TRABD2B: variants seen among roughly 807,000 people sequenced by gnomAD.
TRABD2B encodes the protein metalloprotease TIKI2.
TRABD2B carries 14 observed loss-of-function variants against 40.1 expected under a neutral mutation model. The ratio of observed to expected loss-of-function variants is 0.35; its 90% CI spans 0.23 to 0.55. The LOEUF (loss-of-function observed/expected upper bound fraction) is 0.55. TRABD2B is among the 20% of genes least tolerant of loss of function. TRABD2B has a pLI of 0.90. For synonymous variants in TRABD2B, 263 were observed against 277.0 expected, an observed-to-expected ratio of 0.95 and a Z score of 0.50; for missense variants, 541 against 648.6, an observed-to-expected ratio of 0.83 and a Z score of 1.80.
chr1:47,984,199 C>G (rs970850504), intron 2 of TRABD2B, among the ~76,000 whole-genome samples: 1 of 152,236 alleles, frequency 6.6e-6, no homozygotes, highest in Non-Finnish European at 1.5e-5. Flanking sequence ...ATCTTTGCAC[C>G]GTGGCTGCCC....
At position 47,997,071 on chromosome 1, in the gene TRABD2B, C is replaced by T. The variant is rs1459999612; in HGVS notation, c.-282G>A. The T allele has an allele frequency of 1.9e-4, 191 of 984,258 alleles. No homozygotes were observed. Among genetic ancestry groups the T allele is most frequent in the Middle Eastern group, 5.2e-4 (1 of 1,910 alleles). 61.0% of individuals were successfully genotyped at this position (984,258 alleles called of 1,614,324 possible). On this transcript the variant is annotated 5_prime_UTR_variant, in exon 1 of 7. Coordinates refer to ENST00000606738, the MANE Select transcript of TRABD2B (RefSeq NM_001194986.2). ...CCGGGTGCTGAGGGCGTGTTGGGGT[C>T]CGGGGGCGCGCGGGGTCCCGGAGCT...
intron 2 of TRABD2B, among the ~76,000 whole-genome samples, chr1:47,922,941 T>C (rs1644920973): frequency 6.6e-6 from 1 of 152,238 alleles, no homozygotes; most frequent in Admixed American, 6.5e-5. Context: ...CTGAATGGCC[T>C]TATAAAGCTC....
At chr1:47,983,285 A>C (rs1645867734) in intron 2 of TRABD2B, among the ~76,000 whole-genome samples, 1 of 152,188 alleles carries the variant, frequency 6.6e-6, no homozygotes, top group South Asian at 2.1e-4. Flanking sequence ...AATGACAAGA[A>C]CTCAGGAACA....
chr1:47,845,825 T>C (rs1645460938), intron 2 of TRABD2B, among the ~76,000 whole-genome samples: 1 of 152,242 alleles, frequency 6.6e-6, no homozygotes, highest in South Asian at 2.1e-4. Context: ...TTAGTCCTCA[T>C]TGAACTGTGG....
chr1:47,825,271 T>A (rs1645160062), intron 2 of TRABD2B, among the ~76,000 whole-genome samples: 1 of 152,242 alleles, frequency 6.6e-6, no homozygotes, highest in South Asian at 2.1e-4. Flanking sequence ...GCCCTGCTGA[T>A]GGAATTACCT....
chr1:47,923,697 C>T (rs556499072), intron 2 of TRABD2B, among the ~76,000 whole-genome samples: 6 of 152,204 alleles, frequency 3.9e-5, no homozygotes, highest in South Asian at 2.1e-4. Flanking sequence ...ACTTCTATAA[C>T]GTGGGTGGGC....
At position 47,879,305 on chromosome 1, in the gene TRABD2B, G is replaced by A. The variant is rs114359138; in HGVS notation, c.667-77686C>T. Among the ~76,000 whole-genome samples, 398 of 152,228 alleles carry A rather than the reference G, an allele frequency of 2.6e-3. 2 individuals carry two copies. Among genetic ancestry groups the A allele is most frequent in the African/African-American group, 9.3e-3 (388 of 41,520 alleles). On this transcript the variant is annotated intron_variant, in intron 2 of 6. Coordinates refer to ENST00000606738, the MANE Select transcript of TRABD2B (RefSeq NM_001194986.2). ...CACATATGCAACAGTGATTCCGTAA[G>A]ATTATATTTTTAATATGTAAAATTT...
chr1:47,782,757 A>G (rs982273643), intron 4 of TRABD2B, among the ~76,000 whole-genome samples: 1 of 152,130 alleles, frequency 6.6e-6, no homozygotes, highest in Admixed American at 6.5e-5. Flanking sequence ...GCAGACAGGA[A>G]CCATGCTTGC....
chr1:47,894,673 T>C (rs1373194498), intron 2 of TRABD2B, among the ~76,000 whole-genome samples: 1 of 152,146 alleles, frequency 6.6e-6, no homozygotes, highest in Admixed American at 6.5e-5. Context: ...ATTGTGTCAA[T>C]TAGCACCCCA....
chr1:47,779,607 C>T (rs779277156), intron 4 of TRABD2B, among the ~76,000 whole-genome samples: 4 of 152,180 alleles, frequency 2.6e-5, no homozygotes, highest in African/African-American at 4.8e-5. Context: ...GCTCTGGACA[C>T]AGGAGGTGCT....
At chr1:47,833,467 A>G (rs1181806843) in intron 2 of TRABD2B, among the ~76,000 whole-genome samples, 1 of 152,244 alleles carries the variant, frequency 6.6e-6, no homozygotes, top group African/African-American at 2.4e-5. Context: ...ACCCTGGTCA[A>G]AGATCTGGCT....
intron 2 of TRABD2B, among the ~76,000 whole-genome samples, chr1:47,908,047 C>G (rs72898137): frequency 0.022 from 3,314 of 152,206 alleles, 60 homozygotes; most frequent in South Asian, 0.059. Flanking sequence ...CTGTGGAAAC[C>G]TGGAAATGAC....
At chr1:47,796,420 AAGCCCCTAAATGGCCCTGC>A (rs1447952419) in intron 3 of TRABD2B, among the ~76,000 whole-genome samples, 1 of 151,974 alleles carries the variant, frequency 6.6e-6, no homozygotes, top group Non-Finnish European at 1.5e-5. Context: ...CTACAGGATT[AAGCCCCTAAATGGCCCTGC>A]AGCCCAGCCA....
At chr1:47,828,130 G>A (rs1454989546) in intron 2 of TRABD2B, among the ~76,000 whole-genome samples, 1 of 152,174 alleles carries the variant, frequency 6.6e-6, no homozygotes, top group East Asian at 1.9e-4. Context: ...TAAGGGCTCA[G>A]TCCAGGGCCA....
intron 3 of TRABD2B, among the ~76,000 whole-genome samples, chr1:47,797,822 C>G (rs1389748169): frequency 6.6e-6 from 1 of 152,070 alleles, no homozygotes. Flanking sequence ...TGCACAATGA[C>G]ATTTTAAAGA....
intron 2 of TRABD2B, among the ~76,000 whole-genome samples, chr1:47,946,037 T>C (rs1645255427): frequency 2.0e-5 from 3 of 152,212 alleles, no homozygotes; most frequent in Non-Finnish European, 4.4e-5. Flanking sequence ...AATAGCTCCT[T>C]AATCTCATCA....
At chr1:47,927,376 G>A (rs1309489312) in intron 2 of TRABD2B, among the ~76,000 whole-genome samples, 2 of 152,224 alleles carry the variant, frequency 1.3e-5, no homozygotes, top group Admixed American at 6.5e-5. Flanking sequence ...TCCCTTCCAA[G>A]CCAACAAGCC....
chr1:47,873,829 C>G (rs1644179259), intron 2 of TRABD2B, among the ~76,000 whole-genome samples: 1 of 152,114 alleles, frequency 6.6e-6, no homozygotes, highest in African/African-American at 2.4e-5. Context: ...GACTAAACAC[C>G]AAGAGTCGGT....
At chr1:47,976,963 A>G (rs1645764821) in intron 2 of TRABD2B, among the ~76,000 whole-genome samples, 1 of 152,186 alleles carries the variant, frequency 6.6e-6, no homozygotes, top group South Asian at 2.1e-4. Flanking sequence ...ATTGAGGTTG[A>G]TAACAATCCA....
Sources: gnomAD v4.1 joint callset for allele counts (sites outside exome capture counted in the v4.1 genomes callset) on GRCh38, gnomAD v4.1.1 for gene constraint, MANE v1.5 for transcripts, NCBI Gene and HGNC (gene_info 2026-07-23, HGNC 2026-07-21) for gene names.